THOC2: variants seen among roughly 807,000 people sequenced by gnomAD.
THOC2 encodes THO complex 2.
In THOC2, 10 loss-of-function variants were observed where a neutral mutation model predicts 128.4. The ratio of observed to expected loss-of-function variants is 0.08; its 90% CI spans 0.05 to 0.13. The LOEUF (loss-of-function observed/expected upper bound fraction) is 0.13, where lower values mean the gene tolerates loss of function less well. THOC2 is among the 10% of genes least tolerant of loss of function. The pLI, the probability that THOC2 is intolerant of heterozygous loss-of-function variation, is 1.00. For synonymous variants in THOC2, 393 were observed against 396.9 expected, an observed-to-expected ratio of 0.99 and a Z score of 0.12; for missense variants, 535 against 1,155.7, an observed-to-expected ratio of 0.46 and a Z score of 7.79.
chrX:123,647,810 C>T (rs185271659), intron 12 of THOC2, among the ~76,000 whole-genome samples: 1 of 87,315 alleles, frequency 1.1e-5, no homozygotes, highest in African/African-American at 4.3e-5. Context: ...CACTGCACTC[C>T]AGCCTAAGCA....
intron 13 of THOC2, 134 bp downstream of exon 13, chrX:123,645,199 CA>C: frequency 4.1e-6 from 2 of 484,696 alleles, no homozygotes; most frequent in Non-Finnish European, 6.6e-6. Flanking sequence ...CATATGCCGC[CA>C]AAAACTATAA....
At position 123,644,640 on chromosome X, in the gene THOC2, A is replaced by G. The variant is rs531587659; in HGVS notation, c.1596T>C (p.Tyr532=). 6.6e-6 allele frequency: 8 copies of G among 1,205,138 alleles called. No individual in the cohort carries two copies. Among genetic ancestry groups the G allele is most frequent in the East Asian group, 3.0e-5 (1 of 33,687 alleles). The change falls in exon 15 of 39, where the codon TAT becomes TAC. Residue 532 remains tyrosine, a synonymous_variant. Transcript: ENST00000245838. The part of the protein sequence containing the change: ...RLYGQWKNET[Y]NSHPLLVKVK... ...CTTTTACTAAAAGTGGGTGACTGTT[A>G]TAAGTTTCATTCTTCCACTGGCCAT...
In THOC2 at chrX:123,686,560, G is replaced by A. The variant is rs1300365770; in HGVS notation, c.756C>T (p.Phe252=). 2.5e-6 allele frequency: 3 copies of A among 1,192,564 alleles called. No homozygotes were observed. The highest frequency in any genetic ancestry group is 1.9e-5 in the South Asian group (1 of 52,352). ...QTLCHILGFK[F]KFYQEPNGET... ...CGTTTTTCTTTACCTGGTAAAACTT[G>A]AATTTGAACCCAAGAATATGACACA... is the stretch of plus-strand genomic sequence containing the variant. The change falls in exon 8 of 39, where the codon TTC becomes TTT. Residue 252 remains phenylalanine, a synonymous_variant. Coordinates refer to ENST00000245838, the MANE Select transcript of THOC2 (RefSeq NM_001081550.2).
At chrX:123,682,816 G>C (rs2049840980) in intron 8 of THOC2, among the ~76,000 whole-genome samples, 1 of 111,446 alleles carries the variant, frequency 9.0e-6, no homozygotes, top group Admixed American at 9.5e-5. Flanking sequence ...AATGAATTTG[G>C]GGTATGTATA....
At chrX:123,720,147 A>G (rs757148399) in intron 1 of THOC2, among the ~76,000 whole-genome samples, 144 of 108,978 alleles carry the variant, frequency 1.3e-3, no homozygotes, top group Middle Eastern at 4.7e-3. Flanking sequence ...CCTTGTCTCA[A>G]AAAAAAGAAA....
At chrX:123,673,597 T>G (rs1190030767) in intron 8 of THOC2, among the ~76,000 whole-genome samples, 1 of 111,888 alleles carries the variant, frequency 8.9e-6, no homozygotes, top group Non-Finnish European at 1.9e-5. Context: ...ACAATCCCTG[T>G]TCTGTCCCAT....
At chrX:123,713,237 C>T (rs757488973) in intron 1 of THOC2, among the ~76,000 whole-genome samples, 1 of 111,726 alleles carries the variant, frequency 9.0e-6, no homozygotes, top group East Asian at 2.8e-4. Context: ...CTTTGGAAGG[C>T]CAAGGCGGGA....
chrX:123,656,825 C>G (rs996726265), intron 12 of THOC2, among the ~76,000 whole-genome samples: 6 of 111,114 alleles, frequency 5.4e-5, no homozygotes, highest in Non-Finnish European at 1.1e-4. Flanking sequence ...GCCTGGCCAA[C>G]AAGGTGAAAC....
chrX:123,697,763 A>G lies in THOC2; in HGVS notation c.275-12T>C, dbSNP rs766884200. ...ATTTGTCTCAATGTCTATAATGATG[A>G]AGAAGAAAAAAGTTTGATTGATTTG... On this transcript the variant is annotated splice_polypyrimidine_tract_variant and intron_variant, in intron 4 of 38. Transcript: ENST00000245838. The G allele has an allele frequency of 1.0e-4, 92 of 877,112 alleles. 2 individuals are homozygous for G. The South Asian group carries it at 1.2e-3, about 11-fold the overall frequency. The allele number at this position is 877,112 out of a possible 1,213,427, so 72.3% of individuals were successfully genotyped here.
intron 38 of THOC2, chrX:123,602,884 G>A (rs1258664648): frequency 9.1e-6 from 1 of 109,558 alleles, no homozygotes; most frequent in Non-Finnish European, 1.9e-5. Flanking sequence ...GTGCACGCCT[G>A]TAGTCCCAGC....
At chrX:123,661,830 A>C (rs187799591) in intron 12 of THOC2, among the ~76,000 whole-genome samples, 76 of 111,944 alleles carry the variant, frequency 6.8e-4, no homozygotes, top group African/African-American at 2.3e-3. Flanking sequence ...CTGTCTCTAC[A>C]AATATTTAAA....
chrX:123,632,793 A>G, intron 21 of THOC2, 68 bp downstream of exon 21: 6 of 919,389 alleles, frequency 6.5e-6, no homozygotes, highest in Non-Finnish European at 7.6e-6. Context: ...TTTTCAAATT[A>G]TAACACATTA....
intron 2 of THOC2, among the ~76,000 whole-genome samples, chrX:123,708,601 G>GA (rs2051040371): frequency 1.8e-5 from 2 of 110,350 alleles, no homozygotes; most frequent in African/African-American, 3.3e-5. Flanking sequence ...GGTACTCATA[G>GA]GGGACCAGGG....
intron 1 of THOC2, among the ~76,000 whole-genome samples, chrX:123,715,658 G>A (rs1307814158): frequency 2.8e-5 from 3 of 107,623 alleles, no homozygotes; most frequent in Non-Finnish European, 5.8e-5. Flanking sequence ...GGTGGCCCAC[G>A]CCTGTAGTCC....
chrX:123,706,831 A>C (rs2050954278), intron 3 of THOC2, 27 bp downstream of exon 3: 3 of 782,324 alleles, frequency 3.8e-6, no homozygotes, highest in Non-Finnish European at 3.5e-6. Context: ...AACAACTATT[A>C]ACTTAAAAAA....
At chrX:123,669,912 A>C (rs998510325) in intron 9 of THOC2, among the ~76,000 whole-genome samples, 1 of 111,666 alleles carries the variant, frequency 9.0e-6, no homozygotes, top group Admixed American at 9.5e-5. Context: ...TTCTCATATA[A>C]ATAATAAACT....
intron 22 of THOC2, among the ~76,000 whole-genome samples, chrX:123,628,604 G>A (rs1387838052): frequency 9.1e-6 from 1 of 110,090 alleles, no homozygotes; most frequent in East Asian, 2.8e-4. Context: ...CCAGCTACTT[G>A]GGAGGCTGAG....
At chrX:123,648,015 C>T (rs1569368006) in intron 12 of THOC2, among the ~76,000 whole-genome samples, 1 of 110,824 alleles carries the variant, frequency 9.0e-6, no homozygotes, top group African/African-American at 3.3e-5. Flanking sequence ...CGGTGGCTGG[C>T]AAGAAAGCCA....
chrX:123,674,442 A>C (rs1218489130), intron 8 of THOC2, among the ~76,000 whole-genome samples: 7 of 112,214 alleles, frequency 6.2e-5, no homozygotes, highest in Non-Finnish European at 1.9e-5. Flanking sequence ...GTTTCAAGCT[A>C]TTTGTATCTC....
Sources: allele counts gnomAD v4.1 joint callset (sites outside exome capture counted in the v4.1 genomes callset), GRCh38; gene constraint gnomAD v4.1.1; transcripts MANE v1.5; gene names NCBI Gene and HGNC (gene_info 2026-07-23, HGNC 2026-07-21).